Variants in P3H2 observed in about 807,000 individuals in gnomAD.
The protein encoded by P3H2 is prolyl 3-hydroxylase 2.
P3H2 carries 80 observed loss-of-function variants against 87.0 expected under a neutral mutation model. The observed-to-expected ratio is 0.92, with a 90% confidence interval of 0.77 to 1.11. P3H2 has a LOEUF of 1.11. P3H2 is among the 50% of genes least tolerant of loss of function. The pLI, the probability that P3H2 is intolerant of heterozygous loss-of-function variation, is 0.00. For missense variants in P3H2, 1,001 were observed against 923.9 expected (o/e 1.08, Z -1.08); for synonymous variants, 367 against 359.3 (o/e 1.02, Z -0.24).
chr3:190,103,945 C>T (rs147243116), intron 1 of P3H2, among the ~76,000 whole-genome samples: 1,604 of 152,098 alleles, frequency 0.011, 24 homozygotes, highest in African/African-American at 0.037. Flanking sequence ...GTGCCCGCCA[C>T]CACATCTGGC....
At chr3:190,046,902 C>T (rs1725824710) in intron 1 of P3H2, among the ~76,000 whole-genome samples, 1 of 151,862 alleles carries the variant, frequency 6.6e-6, no homozygotes, top group Non-Finnish European at 1.5e-5. Context: ...TTATATTAAG[C>T]TAAAAAGCTT....
chr3:190,071,983 T>G (rs958620340), intron 1 of P3H2, among the ~76,000 whole-genome samples: 2 of 149,608 alleles, frequency 1.3e-5, no homozygotes, highest in Non-Finnish European at 3.0e-5. Context: ...GAAGGGTTTT[T>G]TTTTTTTTTT....
Position 189,994,340 on chromosome 3 carries a change from A to C in P3H2, c.634-57T>G, listed in dbSNP as rs1011784286. The C allele has an allele frequency of 4.0e-5, 58 of 1,461,054 alleles. 2 individuals carry two copies. The South Asian group carries it at 6.1e-4, about 15-fold the overall frequency. The allele number at this position is 1,461,054 out of a possible 1,614,324, so 90.5% of individuals were successfully genotyped here. A position where few individuals can be genotyped will look rare whatever the true frequency, so the allele number is the denominator to read the frequency against. ...AACAAACAAACAAACAAACAAAAAAACCCTTATTTTCAAAGAGAAGGGTTT... is the reference window on the plus strand; with the variant it reads ...AACAAACAAACAAACAAACAAAAAACCCCTTATTTTCAAAGAGAAGGGTTT... On this transcript the variant is annotated intron_variant, in intron 2 of 14. Coordinates refer to ENST00000319332, the MANE Select transcript of P3H2 (RefSeq NM_018192.4).
chr3:190,083,162 G>T (rs1727106498), intron 1 of P3H2, among the ~76,000 whole-genome samples: 2 of 152,040 alleles, frequency 1.3e-5, no homozygotes. Context: ...AAAATAACTT[G>T]CCTTTTTTGC....
chr3:190,070,827 A>C (rs961070751), intron 1 of P3H2, among the ~76,000 whole-genome samples: 2 of 152,174 alleles, frequency 1.3e-5, no homozygotes, highest in African/African-American at 4.8e-5. Context: ...ACGCTTATGC[A>C]TTGCTCACAC....
chr3:189,964,084 T>C lies in P3H2; in HGVS notation c.1908A>G (p.Pro636=), dbSNP rs754505357. 15 of 1,614,222 alleles carry C rather than the reference T, an allele frequency of 9.3e-6. No individual in the cohort carries two copies. The highest frequency in any genetic ancestry group is 1.1e-5 in the Non-Finnish European group (13 of 1,180,030). ...DAKTVTASIK[P]KCGRMISFSS... is the part of the protein sequence containing the mutation. ...AGAAGCTGATCATGCGCCCACATTT[T>C]GGTTTTATAGAGGCCTGAGAAAGAA... Residue 636 remains proline, a synonymous_variant, in exon 14 of 15, where the codon CCA becomes CCG. Coordinates refer to ENST00000319332, the MANE Select transcript of P3H2 (RefSeq NM_018192.4).
At chr3:190,007,310 A>G (rs1009729716) in intron 1 of P3H2, among the ~76,000 whole-genome samples, 1 of 152,230 alleles carries the variant, frequency 6.6e-6, no homozygotes, top group African/African-American at 2.4e-5. Context: ...AGCTAAAGGC[A>G]TGCTTAAAAT....
chr3:190,052,677 A>G (rs1726019374), intron 1 of P3H2, among the ~76,000 whole-genome samples: 1 of 151,200 alleles, frequency 6.6e-6, no homozygotes, highest in African/African-American at 2.4e-5. Flanking sequence ...ATACATATAA[A>G]TGTGTGTGTG....
intron 3 of P3H2, among the ~76,000 whole-genome samples, chr3:189,990,361 A>G (rs1160533497): frequency 6.6e-6 from 1 of 152,134 alleles, no homozygotes; most frequent in Non-Finnish European, 1.5e-5. Flanking sequence ...AAAATAAACA[A>G]CCTTCAACTG....
intron 1 of P3H2, among the ~76,000 whole-genome samples, chr3:190,027,417 C>T (rs754688123): frequency 3.9e-5 from 6 of 151,996 alleles, no homozygotes; most frequent in South Asian, 4.1e-4. Context: ...TCTTAACCCA[C>T]GTGAGGGACA....
intron 1 of P3H2, among the ~76,000 whole-genome samples, chr3:190,090,627 TG>T (rs1343378719): frequency 6.6e-6 from 1 of 151,596 alleles, no homozygotes; most frequent in Non-Finnish European, 1.5e-5. Flanking sequence ...GGTGTGAAGC[TG>T]GGAGGCGGAG....
chr3:189,977,652 C>G (rs979373338), intron 8 of P3H2, among the ~76,000 whole-genome samples: 1 of 152,120 alleles, frequency 6.6e-6, no homozygotes, highest in African/African-American at 2.4e-5. Flanking sequence ...GGCTGGAGTG[C>G]AGTGGCACCA....
chr3:189,969,916 A>G, intron 13 of P3H2: 1 of 831,094 alleles, frequency 1.2e-6, no homozygotes, highest in Non-Finnish European at 2.1e-6. Flanking sequence ...AAGGGAATGA[A>G]GTGGGCCAAA....
intron 1 of P3H2, among the ~76,000 whole-genome samples, chr3:190,035,010 G>A (rs370323726): frequency 6.6e-6 from 1 of 151,364 alleles, no homozygotes; most frequent in African/African-American, 2.4e-5. Flanking sequence ...CACCACACCC[G>A]ACTAATTTTT....
rs922393084 is a variant in P3H2 at position 190,043,498 on chromosome 3, C to T, written c.481-48056G>A. 9.9e-5 allele frequency among the ~76,000 whole-genome samples: 15 copies of T among 152,266 alleles called. No homozygotes were observed. In the Middle Eastern group the frequency reaches 0.01, roughly 104 times the overall value. On this transcript the variant is annotated intron_variant, in intron 1 of 14. Transcript: ENST00000319332. Reference sequence around the variant, plus strand: ...AAAGAACAGCAGAGTGCAGGTCACCCGTGAGAACTTGCCACAATTTCACTA... The same window carrying T: ...AAAGAACAGCAGAGTGCAGGTCACCTGTGAGAACTTGCCACAATTTCACTA...
Position 189,986,862 on chromosome 3 carries a change from CA to C in P3H2, c.1113del (p.Phe371LeufsTer2). The C allele has an allele frequency of 6.2e-7, 1 of 1,611,416 alleles. No individual in the cohort carries two copies. Among genetic ancestry groups the C allele is most frequent in the Non-Finnish European group, 8.5e-7 (1 of 1,177,658 alleles). On this transcript the variant is annotated frameshift_variant, in exon 6 of 15. Transcript: ENST00000319332. LOFTEE classifies it high-confidence loss of function. ...SIEAREDLTMFVKRHKLESEL... is the reference protein window; with the variant it reads ...SIEAREDLTMXVKRHKLESEL... Reference sequence around the variant, plus strand: ...TCAGACTCCAGCTTATGACGTTTCACAAACATTGTTAAATCCTAGAGAAAAA... The same window carrying C: ...TCAGACTCCAGCTTATGACGTTTCACAACATTGTTAAATCCTAGAGAAAAA...
intron 1 of P3H2, among the ~76,000 whole-genome samples, chr3:190,085,640 T>C (rs1250890949): frequency 1.3e-5 from 2 of 152,252 alleles, no homozygotes; most frequent in East Asian, 3.9e-4. Context: ...CAATAACAAC[T>C]ACTTCTAACC....
intron 1 of P3H2, among the ~76,000 whole-genome samples, chr3:190,081,135 A>T (rs1727029724): frequency 6.6e-6 from 1 of 152,224 alleles, no homozygotes; most frequent in Non-Finnish European, 1.5e-5. Flanking sequence ...AGAAATTATC[A>T]AATAAAATTA....
At chr3:190,009,579 GA>G (rs1724525968) in intron 1 of P3H2, among the ~76,000 whole-genome samples, 1 of 152,120 alleles carries the variant, frequency 6.6e-6, no homozygotes, top group South Asian at 2.1e-4. Flanking sequence ...ATTTCTGGAA[GA>G]CTCACTTTCT....
Sources: allele counts gnomAD v4.1 joint callset (sites outside exome capture counted in the v4.1 genomes callset), GRCh38; gene constraint gnomAD v4.1.1; transcripts MANE v1.5; gene names NCBI Gene and HGNC (gene_info 2026-07-23, HGNC 2026-07-21).